Variants in GNG7 observed in about 807,000 individuals in gnomAD.
The protein encoded by GNG7 is G protein subunit gamma 7.
In GNG7, 1 loss-of-function variant was observed where a neutral mutation model predicts 4.0. That is an observed-to-expected ratio of 0.25 (90% CI 0.09 to 1.18). The LOEUF (loss-of-function observed/expected upper bound fraction) is 1.18. Ranked by LOEUF, GNG7 falls within the 50% of genes most tolerant of loss-of-function variation. The pLI, the probability that GNG7 is intolerant of heterozygous loss-of-function variation, is 0.50. For missense variants in GNG7, 86 were observed against 91.9 expected (o/e 0.94, Z 0.26); for synonymous variants, 34 against 36.9 (o/e 0.92, Z 0.29).
At chr19:2,666,956 T>G (rs1331820596) in intron 1 of GNG7, among the ~76,000 whole-genome samples, 1 of 152,196 alleles carries the variant, frequency 6.6e-6, no homozygotes, top group Non-Finnish European at 1.5e-5. Context: ...ATGAGGGTCC[T>G]GTCAAAAAAG....
At chr19:2,635,079 C>G (rs896486881) in intron 2 of GNG7, among the ~76,000 whole-genome samples, 1 of 152,322 alleles carries the variant, frequency 6.6e-6, no homozygotes. Context: ...GGGGTGGGGT[C>G]GTCCTGGGCA....
At chr19:2,630,343 T>A (rs1452182349) in intron 2 of GNG7, among the ~76,000 whole-genome samples, 1 of 152,120 alleles carries the variant, frequency 6.6e-6, no homozygotes, top group East Asian at 1.9e-4. Flanking sequence ...ATCACTCCCC[T>A]GATTAGGTTG....
At position 2,617,621 on chromosome 19, in the gene GNG7, G is replaced by A. The variant is rs889428043; in HGVS notation, c.-78+28603C>T. 2.1e-4 allele frequency among the ~76,000 whole-genome samples: 32 copies of A among 152,188 alleles called. No individual in the cohort carries two copies. Among genetic ancestry groups the A allele is most frequent in the African/African-American group, 7.5e-4 (31 of 41,528 alleles). On this transcript the variant is annotated intron_variant, in intron 2 of 4. Coordinates refer to ENST00000382159, the MANE Select transcript of GNG7 (RefSeq NM_052847.3). This position sits in a 1 kb window ranked among gnomAD's most constrained non-coding sequence, Gnocchi z 4.7. The stretch of plus-strand genomic sequence containing the variant: ...CAATGCTCCTCCCCATCCTGCAGGG[G>A]TTGGCAAGGATGTCCCCTCCTTAGA...
chr19:2,635,589 T>TTTC (rs1982286304), intron 2 of GNG7, among the ~76,000 whole-genome samples: 1 of 149,802 alleles, frequency 6.7e-6, no homozygotes. Flanking sequence ...TGGGGTGATT[T>TTTC]TTTTTTTTTT....
intron 3 of GNG7, among the ~76,000 whole-genome samples, chr19:2,526,691 TATTA>T (rs972530484): frequency 8.1e-4 from 121 of 149,716 alleles, no homozygotes; most frequent in African/African-American, 2.9e-3. Context: ...ATTTATACAT[TATTA>T]ATTATATAGT....
At chr19:2,538,253 C>T (rs1380181472) in intron 3 of GNG7, 2 of 456,554 alleles carry the variant, frequency 4.4e-6, no homozygotes, top group South Asian at 1.5e-5. Flanking sequence ...TGCTGAGTGG[C>T]CCAGGTCAGT....
rs1983164027 is a variant in GNG7 at position 2,661,308 on chromosome 19, G to GAA, written c.-134-15030_-134-15029dup. Among the ~76,000 whole-genome samples, 4 of 129,304 alleles carry GAA rather than the reference G, an allele frequency of 3.1e-5. 1 individual carries two copies. The highest frequency in any genetic ancestry group is 6.1e-5 in the African/African-American group (2 of 32,532). The allele number at this position is 129,304 out of a possible 152,430, so 84.8% of individuals were successfully genotyped here. On this transcript the variant is annotated intron_variant, in intron 1 of 4. Transcript: ENST00000382159. ...AAAGAAAGAAAGAAAGAAAGAGAAA[G>GAA]AAAGAAAGAAAGAAAGAAAGAAAGA...
intron 3 of GNG7, among the ~76,000 whole-genome samples, chr19:2,550,011 G>A (rs937325429): frequency 7.2e-5 from 11 of 152,144 alleles, no homozygotes; most frequent in African/African-American, 2.7e-4. Context: ...CCAAATCCTG[G>A]GCTGCCCCAG....
chr19:2,558,189 A>G (rs1979625683), intron 2 of GNG7, among the ~76,000 whole-genome samples: 1 of 150,858 alleles, frequency 6.6e-6, no homozygotes, highest in Non-Finnish European at 1.5e-5. Context: ...TCATGTGCAC[A>G]CTGTATTATT....
At chr19:2,680,970 ATT>A (rs1345085356) in intron 1 of GNG7, among the ~76,000 whole-genome samples, 2 of 151,918 alleles carry the variant, frequency 1.3e-5, no homozygotes, top group South Asian at 2.1e-4. Flanking sequence ...TGGTTTTTTA[ATT>A]CTAGCCATCT....
At chr19:2,615,473 TTTTTTTTG>T (rs1981697353) in intron 2 of GNG7, among the ~76,000 whole-genome samples, 1 of 142,702 alleles carries the variant, frequency 7.0e-6, no homozygotes, top group African/African-American at 2.6e-5. Flanking sequence ...TTTTTTTTTT[TTTTTTTTG>T]AGATAGGGTC....
intron 4 of GNG7, among the ~76,000 whole-genome samples, chr19:2,518,465 G>C (rs537322024): frequency 1.3e-5 from 2 of 152,316 alleles, no homozygotes; most frequent in South Asian, 4.1e-4. Flanking sequence ...GACACCTCGT[G>C]GGAGGCAGAC....
Position 2,611,380 on chromosome 19 carries a change from G to A in GNG7, c.-78+34844C>T, listed in dbSNP as rs113470723. 2.0e-5 allele frequency: 3 copies of A among 152,394 alleles called. No individual in the cohort carries two copies. In the Middle Eastern group the frequency reaches 0.01, roughly 518 times the overall value. 9.4% of individuals were successfully genotyped at this position (152,394 alleles called of 1,614,324 possible). A position where few individuals can be genotyped will look rare whatever the true frequency, so the allele number is the denominator to read the frequency against. ...GTCTGTGCTGCCACCTGCTGGTCAT[G>A]GCCCGACAGGCGGCCTCGCTGTCAC... On this transcript the variant is annotated intron_variant, in intron 2 of 4. Coordinates refer to ENST00000382159, the MANE Select transcript of GNG7 (RefSeq NM_052847.3). The surrounding 1 kb of genome is among the most constrained non-coding windows in gnomAD (Gnocchi z 6.0).
chr19:2,642,952 C>A (rs1195830835), intron 2 of GNG7: 2 of 449,596 alleles, frequency 4.4e-6, no homozygotes, highest in Non-Finnish European at 8.9e-6. Context: ...TGCACACCTT[C>A]TGGCCCTGCC....
At chr19:2,541,428 C>A (rs1599380976) in intron 3 of GNG7, among the ~76,000 whole-genome samples, 1 of 151,858 alleles carries the variant, frequency 6.6e-6, no homozygotes, top group African/African-American at 2.4e-5. Flanking sequence ...TACAGCGAGA[C>A]CCTGCCTCTA....
chr19:2,633,299 C>T lies in GNG7; in HGVS notation c.-78+12925G>A, dbSNP rs1430369605. Among the ~76,000 whole-genome samples the T allele has an allele frequency of 2.0e-5, 3 of 152,190 alleles. No homozygotes were observed. The highest frequency in any genetic ancestry group is 1.3e-4 in the Admixed American group (2 of 15,274). On this transcript the variant is annotated intron_variant, in intron 2 of 4. Transcript: ENST00000382159. The surrounding 1 kb of genome is among the most constrained non-coding windows in gnomAD (Gnocchi z 5.9). ...GCAGAGCCATCCTCTCTGGCCTCCA[C>T]TCGGCTCCCCCATGTCCCCTGCCCC...
rs1981655876 is a variant in GNG7 at position 2,614,179 on chromosome 19, C to T, written c.-78+32045G>A. Among the ~76,000 whole-genome samples, 3 of 152,150 alleles carry T rather than the reference C, an allele frequency of 2.0e-5. No individual in the cohort carries two copies. The highest frequency in any genetic ancestry group is 7.2e-5 in the African/African-American group (3 of 41,426). On this transcript the variant is annotated intron_variant, in intron 2 of 4. Transcript: ENST00000382159. This position sits in a 1 kb window ranked among gnomAD's most constrained non-coding sequence, Gnocchi z 6.0. Reference sequence around the variant, plus strand: ...AGAGGCTCGAGAGGTCCCAGGAGGGCGGGAAGAGAGTTCCCCCAGCTACAG... The same window carrying T: ...AGAGGCTCGAGAGGTCCCAGGAGGGTGGGAAGAGAGTTCCCCCAGCTACAG...
intron 3 of GNG7, among the ~76,000 whole-genome samples, chr19:2,532,256 C>T (rs1198899333): frequency 1.3e-5 from 2 of 151,274 alleles, no homozygotes; most frequent in Non-Finnish European, 2.9e-5. Context: ...GTGTTAATTA[C>T]GTTCAAAGAG....
Position 2,592,951 on chromosome 19 carries a change from GAAGA to G in GNG7, c.-77-37767_-77-37764del, listed in dbSNP as rs769967778. 1.6e-3 allele frequency among the ~76,000 whole-genome samples: 219 copies of G among 135,274 alleles called. 3 individuals carry two copies. The highest frequency in any genetic ancestry group is 5.3e-3 in the African/African-American group (191 of 35,786). The allele number at this position is 135,274 out of a possible 152,430, so 88.7% of individuals were successfully genotyped here. A position where few individuals can be genotyped will look rare whatever the true frequency, so the allele number is the denominator to read the frequency against. On this transcript the variant is annotated intron_variant, in intron 2 of 4. Transcript: ENST00000382159. ...GGAGGGAAGGAAGGAAGGAAGGACG[GAAGA>G]AAGAAAGAAAGGGAGGGAGGGAGAG...
Sources: allele counts gnomAD v4.1 joint callset (sites outside exome capture counted in the v4.1 genomes callset), GRCh38; gene constraint gnomAD v4.1.1; non-coding constraint Gnocchi (gnomAD v3.1); transcripts MANE v1.5; gene names NCBI Gene and HGNC (gene_info 2026-07-23, HGNC 2026-07-21).